The following HDAC3 variants were observed in gnomAD, a reference collection of about 807,000 sequenced individuals.
HDAC3 encodes histone deacetylase 3.
Under a neutral mutation model 62.3 loss-of-function variants are expected in HDAC3, and 21 were observed. That is an observed-to-expected ratio of 0.34 (90% CI 0.24 to 0.49). HDAC3 has a LOEUF of 0.49. HDAC3 is among the 20% of genes least tolerant of loss of function. The pLI, the probability that HDAC3 is intolerant of heterozygous loss-of-function variation, is 0.99. For missense variants in HDAC3, 270 were observed against 556.9 expected (o/e 0.48, Z 5.19); for synonymous variants, 198 against 206.5 (o/e 0.96, Z 0.35).
chr5:141,630,496 T>C (rs1398815928), intron 3 of HDAC3, among the ~76,000 whole-genome samples: 1 of 152,350 alleles, frequency 6.6e-6, no homozygotes, highest in East Asian at 1.9e-4. Flanking sequence ...TAATGTTCAA[T>C]AATATTTTTC....
chr5:141,636,630 C>T lies in HDAC3; in HGVS notation c.56G>A (p.Gly19Glu). The T allele has an allele frequency of 6.2e-7, 1 of 1,614,092 alleles. No homozygotes were observed. Among genetic ancestry groups the T allele is most frequent in the Non-Finnish European group, 8.5e-7 (1 of 1,179,976 alleles). ...ATGGGGCTTCATAGGGTGTCCAGCT[C>T]CTGGGGGTGGGGAGAAGAGAGTTCG... ...YDPDVGNFHY[G>E]AGHPMKPHRL... Residue 19 changes from glycine to glutamate, a missense_variant and splice_region_variant, in exon 2 of 15, where the codon GGA (glycine) becomes GAA (glutamate). Physicochemically the swap from Gly to Glu is moderately conservative, Grantham distance 98. Coordinates refer to ENST00000305264, the MANE Select transcript of HDAC3 (RefSeq NM_003883.4).
In HDAC3 at chr5:141,629,554, C is replaced by T. The variant is rs1215430943; in HGVS notation, c.476+130G>A. 1 of 1,006,962 alleles carries T rather than the reference C, an allele frequency of 9.9e-7. No homozygotes were observed. Among genetic ancestry groups the T allele is most frequent in the Non-Finnish European group, 1.5e-6 (1 of 662,180 alleles). The allele number at this position is 1,006,962 out of a possible 1,614,324, so 62.4% of individuals were successfully genotyped here. A position where few individuals can be genotyped will look rare whatever the true frequency, so the allele number is the denominator to read the frequency against. ...GAATCTGCAGCAGTGGAAGAGGCAG[C>T]CTGAATAAAGCATCAAGAACTTGGG... On this transcript the variant is annotated intron_variant, in intron 6 of 14. Transcript: ENST00000305264. The surrounding 1 kb of genome is among the most constrained non-coding windows in gnomAD (Gnocchi z 5.3).
chr5:141,634,930 G>C lies in HDAC3; in HGVS notation c.162C>G (p.Ser54=). Residue 54 remains serine, a synonymous_variant, in exon 3 of 15, where the codon TCC becomes TCG. Coordinates refer to ENST00000305264, the MANE Select transcript of HDAC3 (RefSeq NM_003883.4). ...AGTGGAAGCGGCACATGTCATGTTG[G>C]GAGGCCTGGTATGGCTTGAAGACCT... ...KMIVFKPYQA[S]QHDMCRFHSE... The C allele has an allele frequency of 6.2e-7, 1 of 1,613,952 alleles. No individual in the cohort carries two copies. The highest frequency in any genetic ancestry group is 8.5e-7 in the Non-Finnish European group (1 of 1,179,980).
intron 10 of HDAC3, among the ~76,000 whole-genome samples, chr5:141,627,084 T>C (rs1466003424): frequency 6.6e-6 from 1 of 152,088 alleles, no homozygotes; most frequent in African/African-American, 2.4e-5. Flanking sequence ...CTGCACAATC[T>C]CACCATGGCC....
In HDAC3 at chr5:141,626,277, G is replaced by A. The variant is rs764266572; in HGVS notation, c.837C>T (p.Cys279=). ...TATTGAAGCTCTTGACATATTCAAC[G>A]CATTCCCTGTTAAAAGGAACCAGAG... ...FNLSIRGHGE[C]VEYVKSFNIP... The change falls in exon 11 of 15, where the codon TGC becomes TGT. Residue 279 remains cysteine, a synonymous_variant. Transcript: ENST00000305264. This position sits in a 1 kb window ranked among gnomAD's most constrained non-coding sequence, Gnocchi z 4.6. 3.7e-5 allele frequency: 60 copies of A among 1,613,394 alleles called. 1 individual carries two copies. In the South Asian group the frequency reaches 6.0e-4, roughly 16 times the overall value.
Position 141,626,038 on chromosome 5 carries a change from G to A in HDAC3, c.954C>T (p.Ala318=). Residue 318 remains alanine (A), a synonymous_variant, in exon 12 of 15, where the codon GCC becomes GCT. Transcript: ENST00000305264. The surrounding 1 kb of genome is among the most constrained non-coding windows in gnomAD (Gnocchi z 4.6). ...CACTATAGGGAAGCTCCTCACTAATGGCCTCTTCTACCAGCAGCGATGTCT... is the reference window on the plus strand; with the variant it reads ...CACTATAGGGAAGCTCCTCACTAATAGCCTCTTCTACCAGCAGCGATGTCT... ...TYETSLLVEE[A]ISEELPYSEY... is the part of the protein sequence containing the mutation. 1 of 1,613,990 alleles carries A rather than the reference G, an allele frequency of 6.2e-7. No individual in the cohort carries two copies. The highest frequency in any genetic ancestry group is 8.5e-7 in the Non-Finnish European group (1 of 1,179,918).
intron 3 of HDAC3, among the ~76,000 whole-genome samples, chr5:141,632,671 G>A (rs2099905395): frequency 6.6e-6 from 1 of 152,208 alleles, no homozygotes; most frequent in Non-Finnish European, 1.5e-5. Flanking sequence ...CAAACAGCAT[G>A]TGACTGAACA....
At position 141,628,450 on chromosome 5, in the gene HDAC3, T is replaced by A. The variant is rs2099904760; in HGVS notation, c.691+109A>T. On this transcript the variant is annotated intron_variant, in intron 8 of 14. Coordinates refer to ENST00000305264, the MANE Select transcript of HDAC3 (RefSeq NM_003883.4). This position sits in a 1 kb window ranked among gnomAD's most constrained non-coding sequence, Gnocchi z 4.7. Reference sequence around the variant, plus strand: ...GATTCATGGTCCCTCTGAAGGCCATTCATCCTTAAGGACAACTGGCCCAAC... The same window carrying A: ...GATTCATGGTCCCTCTGAAGGCCATACATCCTTAAGGACAACTGGCCCAAC... The A allele has an allele frequency of 6.7e-6, 6 of 901,078 alleles. No homozygotes were observed. Among genetic ancestry groups the A allele is most frequent in the Non-Finnish European group, 1.1e-5 (6 of 547,352 alleles). The allele number at this position is 901,078 out of a possible 1,614,324, so 55.8% of individuals were successfully genotyped here. A position where few individuals can be genotyped will look rare whatever the true frequency, so the allele number is the denominator to read the frequency against.
In HDAC3 at chr5:141,628,951, C is replaced by CAA. The variant is rs997214383; in HGVS notation, c.610+220_610+221dup. ...GAGGGAGGCAGTAAACAAAACAAAA[C>CAA]AAAAAACCACAATAAACACAAATAG... is the stretch of plus-strand genomic sequence containing the variant. On this transcript the variant is annotated intron_variant, in intron 7 of 14. Transcript: ENST00000305264. The surrounding 1 kb of genome is among the most constrained non-coding windows in gnomAD (Gnocchi z 4.7). Among the ~76,000 whole-genome samples, 6 of 151,940 alleles carry CAA rather than the reference C, an allele frequency of 3.9e-5. No homozygotes were observed. Among genetic ancestry groups the CAA allele is most frequent in the African/African-American group, 1.5e-4 (6 of 41,360 alleles).
At position 141,636,751 on chromosome 5, in the gene HDAC3, C is replaced by T. The variant is rs745711373; in HGVS notation, c.40G>A (p.Gly14Ser). Residue 14 changes from glycine to serine, a missense_variant, in exon 1 of 15, where the codon GGC (glycine) becomes AGC (serine). Physicochemically the swap from Gly to Ser is moderately conservative, Grantham distance 56. Transcript: ENST00000305264. Reference sequence around the variant, plus strand: ...GTTTCCTCACCGTAGTGGAAGTTGCCCACGTCGGGGTCGTAGAAATAGGCC... The same window carrying T: ...GTTTCCTCACCGTAGTGGAAGTTGCTCACGTCGGGGTCGTAGAAATAGGCC... ...TVAYFYDPDV[G>S]NFHYGAGHPM... 6.8e-6 allele frequency: 11 copies of T among 1,613,940 alleles called. No individual in the cohort carries two copies. The highest frequency in any genetic ancestry group is 8.5e-6 in the Non-Finnish European group (10 of 1,179,950).
Position 141,625,865 on chromosome 5 carries a change from G to C in HDAC3, c.980-101C>G. On this transcript the variant is annotated intron_variant, in intron 12 of 14. Transcript: ENST00000305264. This position sits in a 1 kb window ranked among gnomAD's most constrained non-coding sequence, Gnocchi z 4.0. ...CATCCAGAGCACCTACATAATAGCTGCCCAATCTCTTCCCTGCTCTGAGCC... is the reference window on the plus strand; with the variant it reads ...CATCCAGAGCACCTACATAATAGCTCCCCAATCTCTTCCCTGCTCTGAGCC... 7.6e-7 allele frequency: 1 copy of C among 1,313,376 alleles called. No homozygotes were observed. Among genetic ancestry groups the C allele is most frequent in the South Asian group, 1.2e-5 (1 of 84,828 alleles). 81.4% of individuals were successfully genotyped at this position (1,313,376 alleles called of 1,614,324 possible).
intron 3 of HDAC3, among the ~76,000 whole-genome samples, chr5:141,633,017 T>G (rs954020464): frequency 2.6e-5 from 4 of 152,222 alleles, no homozygotes; most frequent in Non-Finnish European, 5.9e-5. Context: ...TACCTAGATA[T>G]TCCCAAACCT....
In HDAC3 at chr5:141,625,664, C is replaced by T; in HGVS notation, c.1059+21G>A. The stretch of plus-strand genomic sequence containing the variant: ...CCACCTTTCAGGAGAAGTTTGTGCT[C>T]AGCTTTTCTGAGCTGCTGACCTGGC... On this transcript the variant is annotated intron_variant, in intron 13 of 14. Transcript: ENST00000305264. The surrounding 1 kb of genome is among the most constrained non-coding windows in gnomAD (Gnocchi z 4.0). The T allele has an allele frequency of 6.8e-6, 11 of 1,612,192 alleles. No homozygotes were observed. Among genetic ancestry groups the T allele is most frequent in the Non-Finnish European group, 9.3e-6 (11 of 1,178,266 alleles).
In HDAC3 at chr5:141,636,814, C is replaced by T. The variant is rs1011643917; in HGVS notation, c.-24G>A. On this transcript the variant is annotated 5_prime_UTR_variant, in exon 1 of 15. Transcript: ENST00000305264. ...ATGGTGCCGGCGGGAGCAGGCCCCGCACCTCCGCCGCCCGCCGCCCGCGGC... is the reference window on the plus strand; with the variant it reads ...ATGGTGCCGGCGGGAGCAGGCCCCGTACCTCCGCCGCCCGCCGCCCGCGGC... 1 of 1,521,734 alleles carries T rather than the reference C, an allele frequency of 6.6e-7. No individual in the cohort carries two copies. The highest frequency in any genetic ancestry group is 1.4e-5 in the African/African-American group (1 of 69,730). 94.3% of individuals were successfully genotyped at this position (1,521,734 alleles called of 1,614,324 possible).
intron 2 of HDAC3, 198 bp from the exon 3 acceptor site, chr5:141,635,151 T>C: frequency 1.9e-6 from 1 of 524,922 alleles, no homozygotes; most frequent in Non-Finnish European, 3.3e-6. Flanking sequence ...AGACCACTTC[T>C]TTTCCTTTCC....
intron 10 of HDAC3, 56 bp downstream of exon 10, chr5:141,627,837 A>G: frequency 6.7e-7 from 1 of 1,500,286 alleles, no homozygotes; most frequent in South Asian, 1.1e-5. Context: ...CCACCCACGT[A>G]CTGAAGTCCA....
Position 141,629,361 on chromosome 5 carries a change from C to G in HDAC3, c.477-55G>C, listed in dbSNP as rs1290017492. 7 of 1,609,776 alleles carry G rather than the reference C, an allele frequency of 4.3e-6. No homozygotes were observed. Among genetic ancestry groups the G allele is most frequent in the Non-Finnish European group, 5.9e-6 (7 of 1,177,210 alleles). On this transcript the variant is annotated intron_variant, in intron 6 of 14. Transcript: ENST00000305264. This position sits in a 1 kb window ranked among gnomAD's most constrained non-coding sequence, Gnocchi z 5.3. ...CTAGAAGTGAACCCCCCAACCCACT[C>G]CTCTCAAACACCGGGTCTCGAATTG...
Position 141,624,245 on chromosome 5 carries a change from A to G in HDAC3, c.1217+963T>C, listed in dbSNP as rs142780700. On this transcript the variant is annotated intron_variant, in intron 14 of 14. Coordinates refer to ENST00000305264, the MANE Select transcript of HDAC3 (RefSeq NM_003883.4). ...GACGGCAATTTGGCAGCAAATATAA[A>G]AAATTTTAGGCCAGGCTCAGTGGCT... 3.7e-3 allele frequency among the ~76,000 whole-genome samples: 566 copies of G among 151,390 alleles called. 5 individuals are homozygous for G. The highest frequency in any genetic ancestry group is 0.011 in the Admixed American group (164 of 15,214).
chr5:141,625,283 G>T lies in HDAC3; in HGVS notation c.1142C>A (p.Pro381His). ...HAPSVQIHDV[P>H]ADLLTYDRTD... ...CCTGTCATAGGTCAGGAGGTCTGCA[G>T]GCACGTCATGAATCTGGACACTAGG... The change falls in exon 14 of 15, where the codon CCT (proline) becomes CAT (histidine). Residue 381 changes from proline (P) to histidine (H), a missense_variant. This residue lies in a region of HDAC3 where 44 missense variants were observed against 64.3 expected (regional missense o/e 0.68). Transcript: ENST00000305264. This position sits in a 1 kb window ranked among gnomAD's most constrained non-coding sequence, Gnocchi z 4.0. 3.1e-6 allele frequency: 5 copies of T among 1,614,126 alleles called. No homozygotes were observed. The highest frequency in any genetic ancestry group is 4.2e-6 in the Non-Finnish European group (5 of 1,180,014).
Sources: gnomAD v4.1 joint callset for allele counts (sites outside exome capture counted in the v4.1 genomes callset) on GRCh38, gnomAD v4.1.1 for gene constraint, gnomAD v4.1.1 regional missense constraint, Gnocchi (gnomAD v3.1) non-coding constraint, MANE v1.5 for transcripts, NCBI Gene and HGNC (gene_info 2026-07-23, HGNC 2026-07-21) for gene names.